Variants in RBFOX1 observed in about 807,000 individuals in gnomAD.
RBFOX1 encodes the protein RNA binding fox-1 homolog 1, also known as RNA binding protein fox-1 homolog 1.
A neutral mutation model predicts 57.7 loss-of-function variants in RBFOX1; 8 were observed. The ratio of observed to expected loss-of-function variants is 0.14; its 90% CI spans 0.08 to 0.25. The LOEUF is 0.25. Ranked by LOEUF, RBFOX1 falls within the 10% of genes least tolerant of loss-of-function variation. The pLI, the probability that RBFOX1 is intolerant of heterozygous loss-of-function variation, is 1.00. For missense variants in RBFOX1, 611 were observed against 548.5 expected (o/e 1.11, Z -1.14); for synonymous variants, 326 against 222.4 (o/e 1.47, Z -4.15).
chr16:5,603,084 C>G (rs529498552), downstream of RBFOX1, among the ~76,000 whole-genome samples: 5 of 152,322 alleles, frequency 3.3e-5, no homozygotes, highest in African/African-American at 9.6e-5. Flanking sequence ...GCCCTTCCTA[C>G]TCACTGCCCT....
intron 3 of RBFOX1, among the ~76,000 whole-genome samples, chr16:6,829,989 T>G (rs925041090): frequency 2.0e-5 from 3 of 152,028 alleles, no homozygotes; most frequent in African/African-American, 7.2e-5. Context: ...CAGTCTCAGC[T>G]CTCTGCCACC....
chr16:7,576,719 T>G (rs1329556713), intron 5 of RBFOX1, among the ~76,000 whole-genome samples: 1 of 152,222 alleles, frequency 6.6e-6, no homozygotes, highest in African/African-American at 2.4e-5. Flanking sequence ...TTAATATGTT[T>G]AATCATAATC....
chr16:7,662,405 G>T (rs977478057), intron 12 of RBFOX1, among the ~76,000 whole-genome samples: 2 of 152,056 alleles, frequency 1.3e-5, no homozygotes, highest in East Asian at 1.9e-4. Flanking sequence ...GACTCCTCCC[G>T]ACCCATTATT....
intron 3 of RBFOX1, among the ~76,000 whole-genome samples, chr16:5,834,787 T>TGCAC (rs2056406316): frequency 6.9e-6 from 1 of 145,488 alleles, no homozygotes; most frequent in African/African-American, 2.7e-5. Context: ...GATAGATAGA[T>TGCAC]AGATAGATAG....
At chr16:7,250,682 C>G (rs569950292) in intron 4 of RBFOX1, among the ~76,000 whole-genome samples, 4 of 152,186 alleles carry the variant, frequency 2.6e-5, no homozygotes, top group Admixed American at 6.5e-5. Flanking sequence ...GGACGTCATA[C>G]TGAATTTTCA....
intron 3 of RBFOX1, among the ~76,000 whole-genome samples, chr16:6,813,966 A>G (rs1177610476): frequency 6.6e-6 from 1 of 152,158 alleles, no homozygotes; most frequent in African/African-American, 2.4e-5. Flanking sequence ...CCTTGCTACT[A>G]ACACTCTCAT....
intron 4 of RBFOX1, among the ~76,000 whole-genome samples, chr16:7,450,758 G>A (rs1336739972): frequency 6.6e-6 from 1 of 152,130 alleles, no homozygotes; most frequent in African/African-American, 2.4e-5. Flanking sequence ...AGTGGGTGTT[G>A]AGGAGGAGGA....
chr16:7,347,508 G>T (rs544577950), intron 4 of RBFOX1, among the ~76,000 whole-genome samples: 2 of 152,102 alleles, frequency 1.3e-5, no homozygotes, highest in African/African-American at 4.8e-5. Context: ...CGTGGGAATC[G>T]TGGGAGATAC....
chr16:5,882,221 G>A lies in RBFOX1; in HGVS notation c.351+14886G>A, dbSNP rs192745396. On this transcript the variant is annotated intron_variant, in intron 4 of 19. Transcript: ENST00000641259. Reference sequence around the variant, plus strand: ...TTTTCCACTTTGTTTACCGTTCCTCGTAGCTATGTCAGAGGTGGAAGTGAA... The same window carrying A: ...TTTTCCACTTTGTTTACCGTTCCTCATAGCTATGTCAGAGGTGGAAGTGAA... Among the ~76,000 whole-genome samples, 9 of 152,206 alleles carry A rather than the reference G, an allele frequency of 5.9e-5. No individual in the cohort carries two copies. The East Asian group carries it at 1.4e-3, about 23-fold the overall frequency.
intron 4 of RBFOX1, among the ~76,000 whole-genome samples, chr16:7,279,403 G>T (rs539729045): frequency 4.5e-4 from 69 of 152,256 alleles, no homozygotes; most frequent in African/African-American, 1.6e-3. Context: ...TCATTTCTCT[G>T]TGCGTAAGCC....
chr16:6,864,081 T>A (rs540371053), intron 3 of RBFOX1, among the ~76,000 whole-genome samples: 20 of 149,732 alleles, frequency 1.3e-4, no homozygotes, highest in Admixed American at 9.4e-4. Context: ...ACAGGGAGAG[T>A]AGCAGAAAAA....
intron 4 of RBFOX1, among the ~76,000 whole-genome samples, chr16:5,868,838 A>G (rs2057400690): frequency 6.6e-6 from 1 of 152,238 alleles, no homozygotes; most frequent in African/African-American, 2.4e-5. Flanking sequence ...GAGGCTGTCG[A>G]GAGCATTAAA....
At chr16:6,903,963 C>T (rs867395255) in intron 3 of RBFOX1, among the ~76,000 whole-genome samples, 1 of 152,070 alleles carries the variant, frequency 6.6e-6, no homozygotes, top group African/African-American at 2.4e-5. Context: ...TACAAATCTG[C>T]AAATCCAAGG....
chr16:6,462,366 T>G (rs1401185223), intron 2 of RBFOX1, among the ~76,000 whole-genome samples: 1 of 152,190 alleles, frequency 6.6e-6, no homozygotes, highest in Non-Finnish European at 1.5e-5. Context: ...CGCCTTTTAT[T>G]CAGTAACTTG....
intron 1 of RBFOX1, among the ~76,000 whole-genome samples, chr16:5,348,444 G>A (rs1426669639): frequency 2.6e-5 from 4 of 152,186 alleles, no homozygotes; most frequent in Non-Finnish European, 5.9e-5. Flanking sequence ...GTCATATGAA[G>A]TAGGCACTAT....
At chr16:6,490,999 C>T (rs980145028) in intron 2 of RBFOX1, among the ~76,000 whole-genome samples, 4 of 151,964 alleles carry the variant, frequency 2.6e-5, no homozygotes, top group Admixed American at 6.6e-5. Flanking sequence ...ATTTGTTGTT[C>T]AGTGGGAAAA....
At chr16:6,464,716 A>C (rs975177693) in intron 2 of RBFOX1, among the ~76,000 whole-genome samples, 6 of 152,250 alleles carry the variant, frequency 3.9e-5, no homozygotes, top group African/African-American at 1.2e-4. Context: ...TGCTTTGATT[A>C]CACCTTCCAT....
chr16:7,075,873 C>T (rs1285340423), intron 4 of RBFOX1, among the ~76,000 whole-genome samples: 1 of 152,054 alleles, frequency 6.6e-6, no homozygotes, highest in Non-Finnish European at 1.5e-5. Context: ...AGCCACCGCG[C>T]CCGGCCTGGG....
chr16:5,396,376 C>T (rs1295272967), intron 1 of RBFOX1, among the ~76,000 whole-genome samples: 2 of 152,060 alleles, frequency 1.3e-5, no homozygotes, highest in Non-Finnish European at 2.9e-5. Flanking sequence ...CATGGGGGCT[C>T]ACACCTGTAA....
Sources: gnomAD v4.1 joint callset for allele counts (sites outside exome capture counted in the v4.1 genomes callset) on GRCh38, gnomAD v4.1.1 for gene constraint, MANE v1.5 for transcripts, NCBI Gene and HGNC (gene_info 2026-07-23, HGNC 2026-07-21) for gene names.